TNFSF4: variants seen among roughly 807,000 people sequenced by gnomAD.
TNFSF4 encodes tumor necrosis factor ligand superfamily member 4.
TNFSF4 carries 4 observed loss-of-function variants against 7.3 expected under a neutral mutation model. The observed-to-expected ratio is 0.55, with a 90% CI of 0.27 to 1.25. TNFSF4 has a LOEUF of 1.25. Among genes scored for constraint, TNFSF4 ranks in the 50% most tolerant of loss-of-function variants. The probability of loss-of-function intolerance (pLI) is 0.12; values close to 1 mark genes in which losing one functional copy is unlikely to be tolerated. For missense variants in TNFSF4, 181 were observed against 208.8 expected (o/e 0.87, Z 0.82); for synonymous variants, 76 against 83.7 (o/e 0.91, Z 0.50).
Position 173,207,024 on chromosome 1 carries a change from C to T in TNFSF4, c.153G>A (p.Gln51=). The T allele has an allele frequency of 6.2e-7, 1 of 1,609,020 alleles. No homozygotes were observed. The highest frequency in any genetic ancestry group is 8.5e-7 in the Non-Finnish European group (1 of 1,176,914). The part of the protein sequence containing the change: ...TYICLHFSAL[Q]VSHRYPRIQS... ...AACAGCGCCCAGTGGTGCATCTTAC[C>T]TGAAGAGCAGAGAAGTGCAGGCAGA... The change falls in exon 1 of 3, where the codon CAG becomes CAA. Residue 51 remains glutamine, a splice_region_variant and synonymous_variant. Coordinates refer to ENST00000281834, the MANE Select transcript of TNFSF4 (RefSeq NM_003326.5).
the TNFSF4 span, among the ~76,000 whole-genome samples, chr1:173,319,708 G>A: frequency 1.3e-5 from 2 of 152,186 alleles, no homozygotes; most frequent in Non-Finnish European, 2.9e-5. Flanking sequence ...GTAATACCCA[G>A]GGAAACAGGG....
chr1:173,363,396 T>C, the TNFSF4 span: 5 of 339,052 alleles, frequency 1.5e-5, no homozygotes, highest in South Asian at 1.2e-4. Context: ...CTTCATTCTT[T>C]GAATTCTCCC....
At chr1:173,274,286 C>T in the TNFSF4 span, among the ~76,000 whole-genome samples, 149 of 152,134 alleles carry the variant, frequency 9.8e-4, no homozygotes, top group African/African-American at 3.4e-3. Context: ...AATAAGAATG[C>T]CCTTGATATT....
At chr1:173,417,630 G>GACATTATA in the TNFSF4 span, among the ~76,000 whole-genome samples, 5 of 152,140 alleles carry the variant, frequency 3.3e-5, no homozygotes. Flanking sequence ...CTCATTGCCT[G>GACATTATA]ACATTATAAC....
At chr1:173,444,198 C>T in the TNFSF4 span, among the ~76,000 whole-genome samples, 9 of 152,150 alleles carry the variant, frequency 5.9e-5, no homozygotes, top group African/African-American at 2.2e-4. Flanking sequence ...ACCCCTTTCT[C>T]CAACACAGCA....
chr1:173,400,487 G>A, the TNFSF4 span, among the ~76,000 whole-genome samples: 1 of 152,158 alleles, frequency 6.6e-6, no homozygotes, highest in African/African-American at 2.4e-5. Context: ...CTGCCTAGAG[G>A]TCTTAATTTC....
the TNFSF4 span, among the ~76,000 whole-genome samples, chr1:173,371,715 C>T: frequency 6.6e-6 from 1 of 152,106 alleles, no homozygotes. Flanking sequence ...GGCAGTAATT[C>T]CTCTATATGC....
the TNFSF4 span, among the ~76,000 whole-genome samples, chr1:173,431,112 T>A: frequency 2.6e-5 from 4 of 152,260 alleles, no homozygotes; most frequent in Non-Finnish European, 5.9e-5. Flanking sequence ...AAGGGCATGT[T>A]ATTTGTATTG....
downstream of TNFSF4, among the ~76,000 whole-genome samples, chr1:173,182,170 A>T (rs927874145): frequency 1.3e-5 from 2 of 152,204 alleles, no homozygotes; most frequent in Admixed American, 1.3e-4. Flanking sequence ...CTTGGTTCTT[A>T]TGTTCTTACA....
chr1:173,205,530 C>T, intron 1 of TNFSF4: 15 of 1,369,396 alleles, frequency 1.1e-5, no homozygotes, highest in Non-Finnish European at 1.4e-5. Context: ...ATCAGTTAGC[C>T]TTGAATGGAG....
At chr1:173,420,699 A>G in the TNFSF4 span, among the ~76,000 whole-genome samples, 1 of 152,232 alleles carries the variant, frequency 6.6e-6, no homozygotes, top group Non-Finnish European at 1.5e-5. Context: ...ACTAAATATA[A>G]TTTAAAGATG....
At chr1:173,325,871 T>C in the TNFSF4 span, among the ~76,000 whole-genome samples, 1 of 152,138 alleles carries the variant, frequency 6.6e-6, no homozygotes, top group Non-Finnish European at 1.5e-5. Context: ...GAGGCAATAA[T>C]TAACAGCTTA....
the TNFSF4 span, among the ~76,000 whole-genome samples, chr1:173,307,635 G>A: frequency 3.2e-4 from 49 of 151,888 alleles, no homozygotes; most frequent in South Asian, 1.9e-3. Flanking sequence ...TGTAAAGAAG[G>A]TCTTTTGTTC....
At chr1:173,380,528 AATC>A in the TNFSF4 span, among the ~76,000 whole-genome samples, 1 of 152,024 alleles carries the variant, frequency 6.6e-6, no homozygotes, top group Non-Finnish European at 1.5e-5. Flanking sequence ...GGCCTCCAAA[AATC>A]ATCATCTCCT....
the TNFSF4 span, among the ~76,000 whole-genome samples, chr1:173,274,118 T>G: frequency 9.5e-6 from 1 of 105,734 alleles, no homozygotes; most frequent in Non-Finnish European, 2.1e-5. Flanking sequence ...TGCTTCTCCA[T>G]GTTCATACAC....
the TNFSF4 span, among the ~76,000 whole-genome samples, chr1:173,281,216 CAAAAAAAGAA>C: frequency 1.4e-5 from 2 of 146,958 alleles, no homozygotes; most frequent in African/African-American, 5.0e-5. Flanking sequence ...ACAAAACAAA[CAAAAAAAGAA>C]AAAAAAAGGA....
the TNFSF4 span, among the ~76,000 whole-genome samples, chr1:173,311,452 G>A: frequency 6.6e-6 from 1 of 151,962 alleles, no homozygotes; most frequent in Non-Finnish European, 1.5e-5. Flanking sequence ...CTAGGGCTGT[G>A]AGAGTAAACA....
chr1:173,296,070 T>C, the TNFSF4 span, among the ~76,000 whole-genome samples: 1 of 152,008 alleles, frequency 6.6e-6, no homozygotes, highest in East Asian at 1.9e-4. Flanking sequence ...AGTACATTCC[T>C]ATTAAATGGA....
the TNFSF4 span, among the ~76,000 whole-genome samples, chr1:173,239,467 A>G: frequency 1.3e-5 from 2 of 152,132 alleles, no homozygotes; most frequent in Non-Finnish European, 2.9e-5. Context: ...CACAACAAAT[A>G]AGGCATCTGA....
Sources: gnomAD v4.1 joint callset for allele counts (sites outside exome capture counted in the v4.1 genomes callset) on GRCh38, gnomAD v4.1.1 for gene constraint, MANE v1.5 for transcripts, NCBI Gene and HGNC (gene_info 2026-07-23, HGNC 2026-07-21) for gene names.